PLCL2: variants seen among roughly 807,000 people sequenced by gnomAD.
PLCL2 encodes the protein inactive phospholipase C-like protein 2.
Under a neutral mutation model 79.6 loss-of-function variants are expected in PLCL2, and 4 were observed. The ratio of observed to expected loss-of-function variants is 0.05; its 90% CI spans 0.02 to 0.11. The LOEUF (loss-of-function observed/expected upper bound fraction) is 0.11. Ranked by LOEUF, PLCL2 falls within the 10% of genes least tolerant of loss-of-function variation. The probability of loss-of-function intolerance (pLI) is 1.00; values close to 1 mark genes in which losing one functional copy is unlikely to be tolerated. For synonymous variants in PLCL2, 484 were observed against 457.7 expected (o/e 1.06, Z -0.73); for missense variants, 895 against 1,291.0 (o/e 0.69, Z 4.70).
Position 17,068,072 on chromosome 3 carries a change from A to G in PLCL2, c.3204+7A>G, listed in dbSNP as rs377435387. 6.0e-6 allele frequency: 9 copies of G among 1,496,938 alleles called. No homozygotes were observed. In the African/African-American group the frequency reaches 6.9e-5, roughly 11 times the overall value. The allele number at this position is 1,496,938 out of a possible 1,614,324, so 92.7% of individuals were successfully genotyped here. A position where few individuals can be genotyped will look rare whatever the true frequency, so the allele number is the denominator to read the frequency against. On this transcript the variant is annotated splice_region_variant and intron_variant, in intron 5 of 5. Coordinates refer to ENST00000615277, the MANE Select transcript of PLCL2 (RefSeq NM_001144382.2). ...GAATATTACCATCTTAAAGGTATCT[A>G]TAGAGTTGTTTCTGATGCTGGTGAT...
intron 1 of PLCL2, among the ~76,000 whole-genome samples, chr3:16,972,310 C>G (rs2063879579): frequency 6.6e-6 from 1 of 152,182 alleles, no homozygotes; most frequent in South Asian, 2.1e-4. Flanking sequence ...TCTCCTTAAG[C>G]TGATAAGCAA....
chr3:17,089,833 C>T lies in PLCL2; in HGVS notation c.3305C>T (p.Thr1102Ile). Reference sequence around the variant, plus strand: ...TCATGTGGACTGAATAAACCAGGCACCGAAAATGCTGATGTCCAGAAGCCA... The same window carrying T: ...TCATGTGGACTGAATAAACCAGGCATCGAAAATGCTGATGTCCAGAAGCCA... ...AVSCGLNKPG[T>I]ENADVQKPRR... is the part of the protein sequence containing the mutation. The change falls in exon 6 of 6, where the codon ACC becomes ATC. Residue 1102 changes from threonine (T) to isoleucine (I), a missense_variant. Thr to Ile is a moderately conservative substitution (Grantham distance 89, BLOSUM62 -1). Transcript: ENST00000615277. The T allele has an allele frequency of 1.2e-6, 2 of 1,614,012 alleles. No homozygotes were observed. The highest frequency in any genetic ancestry group is 1.7e-6 in the Non-Finnish European group (2 of 1,179,938).
intron 1 of PLCL2, among the ~76,000 whole-genome samples, chr3:16,952,626 T>C (rs1392424944): frequency 6.6e-6 from 1 of 152,010 alleles, no homozygotes; most frequent in East Asian, 1.9e-4. Context: ...GGATACAAAT[T>C]TGTATATAGT....
intron 1 of PLCL2, among the ~76,000 whole-genome samples, chr3:16,939,338 T>C (rs1559491947): frequency 6.6e-6 from 1 of 152,182 alleles, no homozygotes; most frequent in Non-Finnish European, 1.5e-5. Flanking sequence ...TTTAGAAAAA[T>C]CTGTTGGTTG....
intron 5 of PLCL2, chr3:17,081,049 G>A (rs761262204): frequency 5.5e-5 from 22 of 399,062 alleles, no homozygotes; most frequent in Non-Finnish European, 8.6e-5. Context: ...GACTCTACCC[G>A]TAATCTCTCT....
At position 17,004,980 on chromosome 3, in the gene PLCL2, C is replaced by T. The variant is rs190362990; in HGVS notation, c.328-4694C>T. The stretch of plus-strand genomic sequence containing the variant: ...TTTGTTTTCATACTACACCCTCTCC[C>T]CATTCTGAGCCACCCCATGCCCACA... On this transcript the variant is annotated intron_variant, in intron 1 of 5. Coordinates refer to ENST00000615277, the MANE Select transcript of PLCL2 (RefSeq NM_001144382.2). Among the ~76,000 whole-genome samples the T allele has an allele frequency of 8.8e-4, 122 of 139,266 alleles. 1 individual carries two copies. The highest frequency in any genetic ancestry group is 9.1e-4 in the Non-Finnish European group (60 of 65,644). 91.4% of individuals were successfully genotyped at this position (139,266 alleles called of 152,430 possible). A position where few individuals can be genotyped will look rare whatever the true frequency, so the allele number is the denominator to read the frequency against.
chr3:16,894,646 C>T (rs544990835), intron 1 of PLCL2, among the ~76,000 whole-genome samples: 75 of 152,186 alleles, frequency 4.9e-4, no homozygotes, highest in African/African-American at 1.7e-3. Flanking sequence ...ACTATTGTGA[C>T]GGTTATGTAA....
chr3:16,969,189 T>C (rs1388104120), intron 1 of PLCL2, among the ~76,000 whole-genome samples: 2 of 152,182 alleles, frequency 1.3e-5, no homozygotes, highest in Admixed American at 1.3e-4. Flanking sequence ...TCAAGGATAT[T>C]GGCCTGAAGT....
intron 1 of PLCL2, 28 bp downstream of exon 1, chr3:16,885,394 C>T: frequency 5.3e-6 from 3 of 570,626 alleles, no homozygotes; most frequent in Non-Finnish European, 9.3e-6. Context: ...GCTCATCGCC[C>T]ACCCTCAGCC....
At chr3:17,087,010 G>A (rs143988498) in intron 5 of PLCL2, among the ~76,000 whole-genome samples, 23 of 152,318 alleles carry the variant, frequency 1.5e-4, no homozygotes, top group East Asian at 3.9e-4. Context: ...AAATGCTGGC[G>A]AGGATGTGAA....
intron 1 of PLCL2, among the ~76,000 whole-genome samples, chr3:16,981,957 T>A (rs550736245): frequency 6.6e-6 from 1 of 152,356 alleles, no homozygotes; most frequent in South Asian, 2.1e-4. Flanking sequence ...TAAATTATCC[T>A]CTTTTATATT....
intron 1 of PLCL2, among the ~76,000 whole-genome samples, chr3:16,906,497 A>T (rs1696755657): frequency 6.6e-6 from 1 of 152,098 alleles, no homozygotes; most frequent in Admixed American, 6.6e-5. Flanking sequence ...CAAAGATAAT[A>T]ATTTTCAAAA....
At chr3:16,926,258 A>C (rs913643081) in intron 1 of PLCL2, among the ~76,000 whole-genome samples, 37 of 152,198 alleles carry the variant, frequency 2.4e-4, no homozygotes, top group African/African-American at 8.9e-4. Context: ...CATTATTCAT[A>C]ATCAAATGCT....
intron 1 of PLCL2, among the ~76,000 whole-genome samples, chr3:16,947,924 A>C (rs1035351423): frequency 2.0e-5 from 3 of 152,242 alleles, no homozygotes; most frequent in Admixed American, 2.0e-4. Flanking sequence ...TTAGTTTTAT[A>C]AAATAGCTCA....
chr3:16,995,876 CAT>C (rs779226723), intron 1 of PLCL2, among the ~76,000 whole-genome samples: 26 of 152,306 alleles, frequency 1.7e-4, no homozygotes, highest in Non-Finnish European at 3.1e-4. Flanking sequence ...ATTTTACAAA[CAT>C]GTGTTGTCTC....
intron 4 of PLCL2, 64 bp downstream of exon 4, chr3:17,043,013 A>G: frequency 9.3e-7 from 1 of 1,071,118 alleles, no homozygotes; most frequent in Non-Finnish European, 1.4e-6. Flanking sequence ...TTGCCCCAAA[A>G]CTATTTCATT....
At chr3:17,085,662 G>T (rs1157137591) in intron 5 of PLCL2, among the ~76,000 whole-genome samples, 1 of 149,798 alleles carries the variant, frequency 6.7e-6, no homozygotes, top group Non-Finnish European at 1.5e-5. Context: ...TGTTAGCCAG[G>T]ATGGTCTCGA....
At chr3:17,020,900 T>C (rs2064444100) in intron 3 of PLCL2, among the ~76,000 whole-genome samples, 1 of 152,202 alleles carries the variant, frequency 6.6e-6, no homozygotes, top group South Asian at 2.1e-4. Context: ...ATATACTTTT[T>C]CTTGTTACTT....
intron 3 of PLCL2, among the ~76,000 whole-genome samples, chr3:17,023,428 G>T (rs1428596168): frequency 6.6e-6 from 1 of 152,188 alleles, no homozygotes; most frequent in Non-Finnish European, 1.5e-5. Flanking sequence ...CCCAGGGGGA[G>T]GTAGTTGAAT....
Sources: gnomAD v4.1 joint callset for allele counts (sites outside exome capture counted in the v4.1 genomes callset) on GRCh38, gnomAD v4.1.1 for gene constraint, MANE v1.5 for transcripts, NCBI Gene and HGNC (gene_info 2026-07-23, HGNC 2026-07-21) for gene names.